SLC29A3: variants seen among roughly 807,000 people sequenced by gnomAD.
SLC29A3 encodes the protein equilibrative nucleoside transporter 3.
In SLC29A3, 18 loss-of-function variants were observed where a neutral mutation model predicts 25.4. The ratio of observed to expected loss-of-function variants is 0.71; its 90% CI spans 0.49 to 1.05. SLC29A3 has a LOEUF of 1.05. SLC29A3 is among the 50% of genes least tolerant of loss of function. The pLI, the probability that SLC29A3 is intolerant of heterozygous loss-of-function variation, is 0.00. For synonymous variants in SLC29A3, 258 were observed against 267.1 expected, an observed-to-expected ratio of 0.97 and a Z score of 0.33; for missense variants, 586 against 609.0, an observed-to-expected ratio of 0.96 and a Z score of 0.40.
intron 1 of SLC29A3, among the ~76,000 whole-genome samples, chr10:71,320,729 T>C (rs975929400): frequency 6.6e-6 from 1 of 152,146 alleles, no homozygotes; most frequent in African/African-American, 2.4e-5. Context: ...GGCTCCAGGG[T>C]ACATGCTACC....
chr10:71,330,784 G>A (rs1846100379), intron 2 of SLC29A3, among the ~76,000 whole-genome samples: 1 of 152,136 alleles, frequency 6.6e-6, no homozygotes, highest in Admixed American at 6.5e-5. Flanking sequence ...TAAGGGCACA[G>A]ATTCATTCAT....
At chr10:71,342,121 GA>G (rs1395215694) in intron 2 of SLC29A3, among the ~76,000 whole-genome samples, 4 of 152,346 alleles carry the variant, frequency 2.6e-5, no homozygotes, top group Non-Finnish European at 5.9e-5. Context: ...TGAGCATCAG[GA>G]GGCACGGATC....
At chr10:71,361,839 G>A (rs1847061047) in intron 5 of SLC29A3, 115 bp from the exon 6 acceptor site, 7 of 1,255,384 alleles carry the variant, frequency 5.6e-6, no homozygotes, top group Admixed American at 5.4e-5. Context: ...TGGGCATACG[G>A]GGCTTGGGCT....
chr10:71,363,052 G>T lies in SLC29A3; in HGVS notation c.*444G>T, dbSNP rs1249878066. 1 of 454,956 alleles carries T rather than the reference G, an allele frequency of 2.2e-6. No homozygotes were observed. The highest frequency in any genetic ancestry group is 4.4e-6 in the Non-Finnish European group (1 of 227,368). 28.2% of individuals were successfully genotyped at this position (454,956 alleles called of 1,614,324 possible). A position where few individuals can be genotyped will look rare whatever the true frequency, so the allele number is the denominator to read the frequency against. ...GCTCAGCTCTCCTTACCCTGAAGGGGTCTCCCTGGAATGGAAGTCCCCTGG... is the reference window on the plus strand; with the variant it reads ...GCTCAGCTCTCCTTACCCTGAAGGGTTCTCCCTGGAATGGAAGTCCCCTGG... On this transcript the variant is annotated 3_prime_UTR_variant, in exon 6 of 6. Coordinates refer to ENST00000373189, the MANE Select transcript of SLC29A3 (RefSeq NM_018344.6).
At chr10:71,377,996 C>A (rs937535705) in intron 4 of SLC29A3, among the ~76,000 whole-genome samples, 1 of 150,370 alleles carries the variant, frequency 6.7e-6, no homozygotes, top group Non-Finnish European at 1.5e-5. Context: ...TGAGTCAAAC[C>A]GTGGACACTC....
chr10:71,346,776 C>T (rs1846596562), intron 3 of SLC29A3, among the ~76,000 whole-genome samples: 1 of 152,208 alleles, frequency 6.6e-6, no homozygotes, highest in Admixed American at 6.5e-5. Context: ...CCTAGTTCCC[C>T]AGCTTTGCAC....
At chr10:71,378,716 T>C (rs1024459275) in intron 4 of SLC29A3, among the ~76,000 whole-genome samples, 2 of 152,242 alleles carry the variant, frequency 1.3e-5, no homozygotes, top group African/African-American at 2.4e-5. Context: ...GAGTCTGTGC[T>C]GAAGTTTGAG....
At chr10:71,319,400 C>T (rs1227143869) in intron 1 of SLC29A3, 90 bp downstream of exon 1, 4 of 557,568 alleles carry the variant, frequency 7.2e-6, no homozygotes, top group Admixed American at 3.5e-5. Flanking sequence ...GCCCTGGGGG[C>T]GGCTGCGGGC....
At chr10:71,323,701 T>C (rs1233679421) in intron 2 of SLC29A3, among the ~76,000 whole-genome samples, 4 of 152,386 alleles carry the variant, frequency 2.6e-5, no homozygotes, top group East Asian at 3.9e-4. Context: ...GGTTCTGTTA[T>C]GGAAGACAAG....
At chr10:71,356,555 C>T (rs576502544) in intron 5 of SLC29A3, among the ~76,000 whole-genome samples, 5 of 152,288 alleles carry the variant, frequency 3.3e-5, no homozygotes, top group East Asian at 1.9e-4. Context: ...ATCCAGGCAC[C>T]GTGGAGCACA....
intron 4 of SLC29A3, among the ~76,000 whole-genome samples, chr10:71,376,464 G>C (rs1297022259): frequency 6.6e-6 from 1 of 152,112 alleles, no homozygotes; most frequent in Non-Finnish European, 1.5e-5. Context: ...TCTACTAAAT[G>C]CATGTAATAA....
intron 5 of SLC29A3, among the ~76,000 whole-genome samples, chr10:71,361,687 TCACCATGCAGTGGTCA>T (rs2131850699): frequency 6.6e-6 from 1 of 152,350 alleles, no homozygotes; most frequent in African/African-American, 2.4e-5. Context: ...GGGCCCAGAC[TCACCATGCAGTGGTCA>T]GTCCTGGTTT....
intron 2 of SLC29A3, among the ~76,000 whole-genome samples, chr10:71,337,435 G>A (rs1430754391): frequency 6.6e-6 from 1 of 152,230 alleles, no homozygotes; most frequent in African/African-American, 2.4e-5. Flanking sequence ...GCTCCAACCT[G>A]CTCGCTGCTG....
intron 2 of SLC29A3, among the ~76,000 whole-genome samples, chr10:71,325,870 G>A (rs1457771842): frequency 2.0e-5 from 3 of 151,288 alleles, no homozygotes; most frequent in Non-Finnish European, 4.4e-5. Context: ...GGGCTTGGCT[G>A]TGTGAACTCT....
intron 2 of SLC29A3, among the ~76,000 whole-genome samples, chr10:71,335,344 A>G (rs1846220036): frequency 6.6e-6 from 1 of 152,094 alleles, no homozygotes; most frequent in Non-Finnish European, 1.5e-5. Flanking sequence ...TCATTTCTCC[A>G]AGTGGAGCCC....
At chr10:71,333,097 A>T (rs933381631) in intron 2 of SLC29A3, among the ~76,000 whole-genome samples, 4 of 152,244 alleles carry the variant, frequency 2.6e-5, no homozygotes, top group Non-Finnish European at 5.9e-5. Context: ...TGTCTCTTTA[A>T]CATGATTGAT....
intron 5 of SLC29A3, among the ~76,000 whole-genome samples, chr10:71,361,292 C>A (rs544479780): frequency 1.3e-5 from 2 of 152,250 alleles, no homozygotes; most frequent in East Asian, 3.9e-4. Context: ...GCATATACCA[C>A]CACACCTGGC....
chr10:71,329,647 G>A (rs1486824167), intron 2 of SLC29A3, among the ~76,000 whole-genome samples: 1 of 152,184 alleles, frequency 6.6e-6, no homozygotes, highest in Non-Finnish European at 1.5e-5. Flanking sequence ...CTACTCAGGA[G>A]GCTGAGGTGG....
At chr10:71,360,993 AGATAT>A (rs1158589447) in intron 5 of SLC29A3, among the ~76,000 whole-genome samples, 1 of 152,238 alleles carries the variant, frequency 6.6e-6, no homozygotes, top group Non-Finnish European at 1.5e-5. Flanking sequence ...TATTATTTAC[AGATAT>A]TGTATTTAGG....
Sources: allele counts gnomAD v4.1 joint callset (sites outside exome capture counted in the v4.1 genomes callset), GRCh38; gene constraint gnomAD v4.1.1; transcripts MANE v1.5; gene names NCBI Gene and HGNC (gene_info 2026-07-23, HGNC 2026-07-21).